Variants in MINDY3 observed in about 807,000 individuals in gnomAD.
MINDY3 encodes ubiquitin carboxyl-terminal hydrolase MINDY-3.
In MINDY3, 38 loss-of-function variants were observed where a neutral mutation model predicts 69.2. The observed-to-expected ratio is 0.55, with a 90% CI of 0.42 to 0.72. The LOEUF (loss-of-function observed/expected upper bound fraction) is 0.72. Among genes scored for constraint, MINDY3 ranks in the 30% least tolerant of loss-of-function variants. The probability of loss-of-function intolerance (pLI) is 0.00; values close to 1 mark genes in which losing one functional copy is unlikely to be tolerated. For missense variants in MINDY3, 522 were observed against 519.0 expected, an observed-to-expected ratio of 1.01 and a Z score of -0.06; for synonymous variants, 192 against 180.1, an observed-to-expected ratio of 1.07 and a Z score of -0.53.
chr10:15,789,521 A>T (rs111528624), intron 11 of MINDY3, among the ~76,000 whole-genome samples: 97 of 152,258 alleles, frequency 6.4e-4, no homozygotes, highest in African/African-American at 2.3e-3. Flanking sequence ...ATCGGCAAAT[A>T]CTTAAAAATA....
intron 4 of MINDY3, among the ~76,000 whole-genome samples, chr10:15,840,672 T>C (rs973163780): frequency 2.6e-5 from 4 of 151,612 alleles, no homozygotes; most frequent in Admixed American, 6.6e-5. Context: ...CACTTGGGAC[T>C]ACCAATTATA....
At chr10:15,824,864 A>G (rs915041269) in intron 8 of MINDY3, among the ~76,000 whole-genome samples, 5 of 152,212 alleles carry the variant, frequency 3.3e-5, no homozygotes, top group Non-Finnish European at 7.3e-5. Context: ...ACACATGCTT[A>G]GACATCTAGT....
chr10:15,781,032 T>C (rs1300285354), intron 14 of MINDY3, among the ~76,000 whole-genome samples: 1 of 152,124 alleles, frequency 6.6e-6, no homozygotes, highest in Non-Finnish European at 1.5e-5. Context: ...TTAGTGATTA[T>C]AAAGTACCTC....
At chr10:15,831,451 T>A (rs1008125639) in intron 8 of MINDY3, among the ~76,000 whole-genome samples, 1 of 152,194 alleles carries the variant, frequency 6.6e-6, no homozygotes, top group Non-Finnish European at 1.5e-5. Context: ...TATACCCAAT[T>A]TTCTTTTCCA....
At chr10:15,838,847 A>C (rs926784291) in intron 4 of MINDY3, among the ~76,000 whole-genome samples, 3 of 151,798 alleles carry the variant, frequency 2.0e-5, no homozygotes, top group Non-Finnish European at 4.4e-5. Context: ...GAAATAGAAG[A>C]AAGCATTTTA....
At chr10:15,827,938 A>G (rs1290590290) in intron 8 of MINDY3, among the ~76,000 whole-genome samples, 3 of 152,200 alleles carry the variant, frequency 2.0e-5, no homozygotes, top group African/African-American at 7.2e-5. Context: ...GAACTCTCCT[A>G]CACACTTCAA....
At position 15,789,239 on chromosome 10, in the gene MINDY3, TA is replaced by T; in HGVS notation, c.1028+7del. The T allele has an allele frequency of 6.2e-7, 1 of 1,601,744 alleles. No homozygotes were observed. Among genetic ancestry groups the T allele is most frequent in the Non-Finnish European group, 8.5e-7 (1 of 1,169,716 alleles). ...AGTTGGCTAAATAACACTTCCTATT[TA>T]GCTTACTATTCAGGATCTGAAACAA... On this transcript the variant is annotated splice_region_variant and intron_variant, in intron 12 of 14. Transcript: ENST00000277632.
chr10:15,807,322 G>C (rs1329324923), intron 10 of MINDY3, among the ~76,000 whole-genome samples: 1 of 152,184 alleles, frequency 6.6e-6, no homozygotes, highest in Non-Finnish European at 1.5e-5. Context: ...TTGGAAGAAA[G>C]AACAGGAGCA....
At chr10:15,854,357 C>G (rs1564536615) in intron 1 of MINDY3, among the ~76,000 whole-genome samples, 1 of 152,036 alleles carries the variant, frequency 6.6e-6, no homozygotes. Flanking sequence ...TATATTGCCA[C>G]AGACTGGAGA....
intron 11 of MINDY3, among the ~76,000 whole-genome samples, chr10:15,794,236 A>T (rs1837639407): frequency 6.6e-6 from 1 of 152,120 alleles, no homozygotes; most frequent in Non-Finnish European, 1.5e-5. Flanking sequence ...GCTTGTAAGA[A>T]CTTTCTGCAT....
chr10:15,835,290 T>C (rs150155480), intron 6 of MINDY3, among the ~76,000 whole-genome samples: 8 of 152,230 alleles, frequency 5.3e-5, no homozygotes, highest in Admixed American at 2.0e-4. Flanking sequence ...TGTAACCTCA[T>C]CAATTCCAGA....
intron 13 of MINDY3, among the ~76,000 whole-genome samples, chr10:15,786,313 G>A (rs1836952897): frequency 6.6e-6 from 1 of 152,046 alleles, no homozygotes; most frequent in Admixed American, 6.6e-5. Flanking sequence ...CTTCCGAACT[G>A]TTCTCTCCGT....
chr10:15,781,404 T>C (rs1044314408), intron 14 of MINDY3, among the ~76,000 whole-genome samples: 1 of 145,264 alleles, frequency 6.9e-6, no homozygotes, highest in African/African-American at 2.6e-5. Flanking sequence ...ATATATATTA[T>C]ATATATATAT....
At chr10:15,848,648 AAAAAAAAAAAAAAAGAAAG>A (rs1182779603) in intron 1 of MINDY3, among the ~76,000 whole-genome samples, 4 of 145,514 alleles carry the variant, frequency 2.7e-5, no homozygotes, top group African/African-American at 1.0e-4. Context: ...AAAAAAAAAA[AAAAAAAAAAAAAAAGAAAG>A]AAAAATTAAA....
intron 1 of MINDY3, among the ~76,000 whole-genome samples, chr10:15,854,664 A>C (rs1385619987): frequency 6.6e-6 from 1 of 152,082 alleles, no homozygotes. Context: ...GGAAAGTGTT[A>C]ATTCCAAAAA....
At chr10:15,787,214 C>CTGAT (rs1837037780) in intron 12 of MINDY3, among the ~76,000 whole-genome samples, 1 of 152,044 alleles carries the variant, frequency 6.6e-6, no homozygotes, top group Non-Finnish European at 1.5e-5. Context: ...ATGACAGTGA[C>CTGAT]TGATATATAC....
intron 11 of MINDY3, among the ~76,000 whole-genome samples, chr10:15,794,527 T>C (rs1363880583): frequency 2.0e-5 from 3 of 152,068 alleles, no homozygotes; most frequent in Non-Finnish European, 2.9e-5. Flanking sequence ...AATAATTCAG[T>C]TTATAGTCAT....
At chr10:15,830,573 T>C (rs558802440) in intron 8 of MINDY3, among the ~76,000 whole-genome samples, 24 of 152,352 alleles carry the variant, frequency 1.6e-4, no homozygotes, top group African/African-American at 5.8e-4. Flanking sequence ...TGGGAGTTCA[T>C]CTTCTTTAAA....
chr10:15,823,235 A>G (rs188398440), intron 8 of MINDY3, among the ~76,000 whole-genome samples: 1 of 152,300 alleles, frequency 6.6e-6, no homozygotes, highest in Non-Finnish European at 1.5e-5. Flanking sequence ...TCTTACAGGC[A>G]CAGATCAGGT....
Sources: gnomAD v4.1 joint callset for allele counts (sites outside exome capture counted in the v4.1 genomes callset) on GRCh38, gnomAD v4.1.1 for gene constraint, MANE v1.5 for transcripts, NCBI Gene and HGNC (gene_info 2026-07-23, HGNC 2026-07-21) for gene names.